Variants in ARHGEF4 observed in about 807,000 individuals in gnomAD.
The protein encoded by ARHGEF4 is Rho guanine nucleotide exchange factor 4, also known as APC-stimulated guanine nucleotide exchange factor 1.
Under a neutral mutation model 162.0 loss-of-function variants are expected in ARHGEF4, and 119 were observed. The observed-to-expected ratio is 0.73, with a 90% CI of 0.63 to 0.86. The LOEUF is 0.86. Ranked by LOEUF, ARHGEF4 falls within the 40% of genes least tolerant of loss-of-function variation. ARHGEF4 has a pLI of 0.00. For synonymous variants in ARHGEF4, 1,014 were observed against 979.9 expected (o/e 1.03, Z -0.65); for missense variants, 2,488 against 2,456.0 (o/e 1.01, Z -0.28).
In ARHGEF4 at chr2:130,865,621, A is replaced by G. The variant is rs76383965; in HGVS notation, c.39+28629A>G. ...CTCAGGACCCCCTGCGGTGCTGTCG[A>G]CTGCTGATCTTTCTCTTTTCTGATC... is the stretch of plus-strand genomic sequence containing the variant. On this transcript the variant is annotated intron_variant, in intron 1 of 13. Coordinates refer to ENST00000409359, the MANE Select transcript of ARHGEF4 (RefSeq NM_001367493.1). Among the ~76,000 whole-genome samples the G allele has an allele frequency of 5.5e-3, 842 of 152,298 alleles. 6 individuals are homozygous for G. Among genetic ancestry groups the G allele is most frequent in the African/African-American group, 0.018 (744 of 41,554 alleles).
At chr2:130,982,144 A>T (rs1686162038) in intron 4 of ARHGEF4, among the ~76,000 whole-genome samples, 2 of 151,978 alleles carry the variant, frequency 1.3e-5, no homozygotes, top group Non-Finnish European at 2.9e-5. Flanking sequence ...GATTACAGGC[A>T]CCCACCACCA....
rs532719272 is a variant in ARHGEF4, at chr2:130,889,920, A to G, written c.40-24066A>G. Among the ~76,000 whole-genome samples, 3 of 151,382 alleles carry G rather than the reference A, an allele frequency of 2.0e-5. No homozygotes were observed. The South Asian group carries it at 6.3e-4, about 32-fold the overall frequency. On this transcript the variant is annotated intron_variant, in intron 1 of 13. Coordinates refer to ENST00000409359, the MANE Select transcript of ARHGEF4 (RefSeq NM_001367493.1). Reference sequence around the variant, plus strand: ...TTTTAGCGTATTGAGATTTCATTCTACTGTTTTCTGGCTCCTATTGATGCT... The same window carrying G: ...TTTTAGCGTATTGAGATTTCATTCTGCTGTTTTCTGGCTCCTATTGATGCT...
intron 10 of ARHGEF4, among the ~76,000 whole-genome samples, 186 bp downstream of exon 10, chr2:131,042,130 G>A (rs1185781183): frequency 6.6e-6 from 1 of 152,226 alleles, no homozygotes; most frequent in Non-Finnish European, 1.5e-5. Flanking sequence ...GCTGCCTACC[G>A]TAGCAGGCTT....
At chr2:131,026,484 A>G (rs1689482239) in intron 4 of ARHGEF4, among the ~76,000 whole-genome samples, 1 of 152,216 alleles carries the variant, frequency 6.6e-6, no homozygotes. Context: ...GGAGGTATCT[A>G]GAAGTGAGGA....
At position 130,915,223 on chromosome 2, in the gene ARHGEF4, A is replaced by G; in HGVS notation, c.1277A>G (p.Glu426Gly). 1 of 1,550,524 alleles carries G rather than the reference A, an allele frequency of 6.4e-7. No individual in the cohort carries two copies. The highest frequency in any genetic ancestry group is 2.0e-5 in the Admixed American group (1 of 50,996). ...ACTCCTTCTGCAGGTCTCCTGGGGG[A>G]AAACCAGTTAAGACAGGATTCCAGG... Reference protein sequence around the residue: ...QDTPSAGLLGENQLRQDSRSC... With the variant: ...QDTPSAGLLGGNQLRQDSRSC... The change falls in exon 2 of 14, where the codon GAA becomes GGA. Residue 426 changes from glutamate to glycine, a missense_variant. This residue lies in a region of ARHGEF4 where 1,642 missense variants were observed against 1,481.5 expected (regional missense o/e 1.11). Coordinates refer to ENST00000409359, the MANE Select transcript of ARHGEF4 (RefSeq NM_001367493.1).
In ARHGEF4 at chr2:131,040,223, G is replaced by GTGGTT. The variant is rs1488061785; in HGVS notation, c.4482+31_4482+32insTGGTT. The stretch of plus-strand genomic sequence containing the variant: ...GCCCGGCCGGCGGGCGGTGACTGGG[G>GTGGTT]ACCCGGTCGGGGGAGGCCTAACCAC... On this transcript the variant is annotated intron_variant, in intron 7 of 13. Transcript: ENST00000409359. 4 of 1,609,182 alleles carry GTGGTT rather than the reference G, an allele frequency of 2.5e-6. No homozygotes were observed. In the African/African-American group the frequency reaches 4.0e-5, roughly 16 times the overall value.
chr2:130,992,070 G>T (rs1309308179), intron 4 of ARHGEF4, among the ~76,000 whole-genome samples: 1 of 152,224 alleles, frequency 6.6e-6, no homozygotes, highest in Admixed American at 6.5e-5. Context: ...GTATCTAGCT[G>T]CTCTGGTGGG....
Position 130,914,677 on chromosome 2 carries a change from T to A in ARHGEF4, c.731T>A (p.Ile244Asn). 1 of 1,390,774 alleles carries A rather than the reference T, an allele frequency of 7.2e-7. No individual in the cohort carries two copies. Among genetic ancestry groups the A allele is most frequent in the East Asian group, 2.6e-5 (1 of 38,396 alleles). 86.2% of individuals were successfully genotyped at this position (1,390,774 alleles called of 1,614,324 possible). A position where few individuals can be genotyped will look rare whatever the true frequency, so the allele number is the denominator to read the frequency against. The change falls in exon 2 of 14, where the codon ATC becomes AAC. Residue 244 changes from isoleucine (I) to asparagine (N), a missense_variant. Physicochemically the swap from Ile to Asn is moderately radical, Grantham distance 149 (BLOSUM62 -3). This residue lies in a region of ARHGEF4 where 1,642 missense variants were observed against 1,481.5 expected (regional missense o/e 1.11). Coordinates refer to ENST00000409359, the MANE Select transcript of ARHGEF4 (RefSeq NM_001367493.1). ...GAACTGGGTCGGAGTTGGCCACATA[T>A]CCACAACAGGGCCAGGGCACTGGTG... Reference protein sequence around the residue: ...CCELGRSWPHIHNRARALVLP... With the variant: ...CCELGRSWPHNHNRARALVLP...
chr2:130,987,713 G>A (rs573198463), intron 4 of ARHGEF4, among the ~76,000 whole-genome samples: 3 of 152,292 alleles, frequency 2.0e-5, no homozygotes, highest in East Asian at 3.9e-4. Context: ...ACCTCTCACT[G>A]GCTGAGAGCC....
intron 1 of ARHGEF4, among the ~76,000 whole-genome samples, chr2:130,875,846 CT>C (rs1221274370): frequency 6.6e-6 from 1 of 152,216 alleles, no homozygotes; most frequent in Non-Finnish European, 1.5e-5. Flanking sequence ...ATTTTGTGGT[CT>C]CCAGTCATGC....
chr2:131,045,812 C>A (rs942131687), intron 13 of ARHGEF4: 4 of 1,428,728 alleles, frequency 2.8e-6, no homozygotes, highest in African/African-American at 1.4e-5. Context: ...GCACAGGCCA[C>A]CCCCCTCTTC....
chr2:130,950,003 G>A (rs961505582), intron 4 of ARHGEF4, among the ~76,000 whole-genome samples: 2 of 152,210 alleles, frequency 1.3e-5, no homozygotes, highest in African/African-American at 4.8e-5. Context: ...CGTCTGTGAG[G>A]ACAGCAGTCT....
chr2:131,011,615 T>A (rs1273275206), intron 4 of ARHGEF4: 11 of 1,529,908 alleles, frequency 7.2e-6, no homozygotes, highest in African/African-American at 1.4e-5. Context: ...TGGTCGTTCC[T>A]GGTAGCTTCT....
At chr2:130,837,034 C>A (rs956400411) in intron 1 of ARHGEF4, 42 bp downstream of exon 1, 51 of 1,225,766 alleles carry the variant, frequency 4.2e-5, no homozygotes, top group Admixed American at 8.5e-5. Flanking sequence ...GCTCCCGGCG[C>A]CCTGCGCGGG....
In ARHGEF4 at chr2:131,018,718, A is replaced by G. The variant is rs150122725; in HGVS notation, c.3986-9227A>G. 1.3e-3 allele frequency among the ~76,000 whole-genome samples: 192 copies of G among 152,266 alleles called. 1 individual carries two copies. Among genetic ancestry groups the G allele is most frequent in the Middle Eastern group, 6.8e-3 (2 of 294 alleles). On this transcript the variant is annotated intron_variant, in intron 4 of 13. Coordinates refer to ENST00000409359, the MANE Select transcript of ARHGEF4 (RefSeq NM_001367493.1). The stretch of plus-strand genomic sequence containing the variant: ...TCCCCTGTTTTCTTCTAAGAGTATT[A>G]TAGTTTTAACTTTTATATTTAGGAC...
At chr2:130,843,186 C>G (rs1169928468) in intron 1 of ARHGEF4, among the ~76,000 whole-genome samples, 1 of 152,160 alleles carries the variant, frequency 6.6e-6, no homozygotes, top group East Asian at 1.9e-4. Context: ...GCAGCCAATA[C>G]CCACTCATGG....
At chr2:130,913,858 A>AG in intron 1 of ARHGEF4, 128 bp from the exon 2 acceptor site, 1 of 1,129,980 alleles carries the variant, frequency 8.8e-7, no homozygotes, top group Non-Finnish European at 1.2e-6. Context: ...CTCCCTTCCT[A>AG]GGGGTACATG....
At chr2:130,943,417 G>A (rs1333561775) in intron 3 of ARHGEF4, among the ~76,000 whole-genome samples, 1 of 151,968 alleles carries the variant, frequency 6.6e-6, no homozygotes, top group Non-Finnish European at 1.5e-5. Context: ...TTGTTTTTCT[G>A]ATTATGTGCT....
intron 2 of ARHGEF4, among the ~76,000 whole-genome samples, chr2:130,923,191 A>T (rs1681998896): frequency 6.6e-6 from 1 of 152,146 alleles, no homozygotes; most frequent in African/African-American, 2.4e-5. Flanking sequence ...CAGCCTCCCA[A>T]AGTGCTGGGA....
Sources: allele counts gnomAD v4.1 joint callset (sites outside exome capture counted in the v4.1 genomes callset), GRCh38; gene constraint gnomAD v4.1.1; regional missense constraint gnomAD v4.1.1; transcripts MANE v1.5; gene names NCBI Gene and HGNC (gene_info 2026-07-23, HGNC 2026-07-21).